SLC30A8: variants seen among roughly 807,000 people sequenced by gnomAD.
SLC30A8 encodes proton-coupled zinc antiporter SLC30A8.
SLC30A8 carries 27 observed loss-of-function variants against 36.9 expected under a neutral mutation model. The observed-to-expected ratio is 0.73, with a 90% CI of 0.54 to 1.01. The LOEUF (loss-of-function observed/expected upper bound fraction) is 1.01. Among genes scored for constraint, SLC30A8 ranks in the 50% least tolerant of loss-of-function variants. The pLI is 0.00. For synonymous variants in SLC30A8, 164 were observed against 172.4 expected, an observed-to-expected ratio of 0.95 and a Z score of 0.38; for missense variants, 439 against 452.0, an observed-to-expected ratio of 0.97 and a Z score of 0.26.
At chr8:117,020,792 C>T (rs1816672077) in intron 1 of SLC30A8, among the ~76,000 whole-genome samples, 1 of 152,092 alleles carries the variant, frequency 6.6e-6, no homozygotes, top group Admixed American at 6.5e-5. Flanking sequence ...TTATCTCATT[C>T]TTGAATATCA....
intron 2 of SLC30A8, among the ~76,000 whole-genome samples, chr8:117,062,509 C>G (rs1818050143): frequency 6.6e-6 from 1 of 152,174 alleles, no homozygotes; most frequent in Admixed American, 6.5e-5. Context: ...ATCACCAAGG[C>G]AAGGGCGCTA....
chr8:116,984,636 A>G (rs1815381459), intron 1 of SLC30A8, among the ~76,000 whole-genome samples: 2 of 151,860 alleles, frequency 1.3e-5, no homozygotes, highest in Non-Finnish European at 2.9e-5. Flanking sequence ...TCACTTTCTA[A>G]TTGGGTTGTT....
At chr8:117,156,506 G>T (rs546772265) in intron 3 of SLC30A8, among the ~76,000 whole-genome samples, 1 of 152,270 alleles carries the variant, frequency 6.6e-6, no homozygotes, top group South Asian at 2.1e-4. Context: ...CCAGTCACTG[G>T]CAGGCCATAT....
At chr8:117,157,913 C>G in intron 4 of SLC30A8, 69 bp downstream of exon 4, 1 of 1,554,364 alleles carries the variant, frequency 6.4e-7, no homozygotes, top group Non-Finnish European at 8.7e-7. Flanking sequence ...CAAAGTCGAC[C>G]TTTTAAAAAA....
At chr8:117,020,833 A>G (rs1173878963) in intron 1 of SLC30A8, among the ~76,000 whole-genome samples, 1 of 152,214 alleles carries the variant, frequency 6.6e-6, no homozygotes, top group African/African-American at 2.4e-5. Flanking sequence ...CTCTTTATAA[A>G]TATCTGTAGA....
intron 1 of SLC30A8, among the ~76,000 whole-genome samples, chr8:116,990,320 A>G (rs1815590378): frequency 6.6e-6 from 1 of 152,138 alleles, no homozygotes; most frequent in Non-Finnish European, 1.5e-5. Flanking sequence ...TAGAAAGGAA[A>G]AAAAAAATAG....
chr8:117,092,137 A>G (rs905401271), intron 2 of SLC30A8, among the ~76,000 whole-genome samples: 3 of 152,240 alleles, frequency 2.0e-5, no homozygotes, highest in South Asian at 4.1e-4. Flanking sequence ...AAGGAGTGAC[A>G]TAAAAACTGT....
chr8:116,954,674 T>G (rs760345652), intron 1 of SLC30A8, among the ~76,000 whole-genome samples: 1 of 152,212 alleles, frequency 6.6e-6, no homozygotes, highest in African/African-American at 2.4e-5. Flanking sequence ...ATGAAAACAG[T>G]GAATGTATAA....
At chr8:117,124,088 A>C (rs892776454) in intron 2 of SLC30A8, among the ~76,000 whole-genome samples, 2 of 151,916 alleles carry the variant, frequency 1.3e-5, no homozygotes, top group Non-Finnish European at 2.9e-5. Context: ...AGTTAGGACC[A>C]ACTGCTTCCC....
At chr8:117,161,703 C>T in intron 4 of SLC30A8, 35 bp from the exon 5 acceptor site, 1 of 1,582,510 alleles carries the variant, frequency 6.3e-7, no homozygotes, top group Non-Finnish European at 8.6e-7. Flanking sequence ...TAAGACTGAC[C>T]TCATGTGTGC....
chr8:117,048,897 A>C (rs993630713), intron 2 of SLC30A8, among the ~76,000 whole-genome samples: 3 of 152,250 alleles, frequency 2.0e-5, no homozygotes, highest in African/African-American at 7.2e-5. Context: ...CAGGGTAAGC[A>C]TGAGCACAGC....
At chr8:117,097,872 A>C (rs1374924285) in intron 2 of SLC30A8, among the ~76,000 whole-genome samples, 2 of 100,868 alleles carry the variant, frequency 2.0e-5, no homozygotes, top group Admixed American at 2.8e-4. Flanking sequence ...TATATATAAT[A>C]TATAATTTTA....
At chr8:116,983,462 G>A (rs1175815641) in intron 1 of SLC30A8, among the ~76,000 whole-genome samples, 2 of 152,064 alleles carry the variant, frequency 1.3e-5, no homozygotes, top group Admixed American at 6.6e-5. Flanking sequence ...GAGTGCAAGG[G>A]TCAATATACT....
chr8:116,952,254 A>G (rs191339924), intron 1 of SLC30A8, among the ~76,000 whole-genome samples: 135 of 152,324 alleles, frequency 8.9e-4, no homozygotes, highest in Non-Finnish European at 1.6e-3. Flanking sequence ...CAGGCCTCAC[A>G]AGCCATGCTT....
rs928095947 is a variant in SLC30A8 at position 117,029,637 on chromosome 8, A to G, written c.-265-9582A>G. Among the ~76,000 whole-genome samples, 4 of 152,214 alleles carry G rather than the reference A, an allele frequency of 2.6e-5. No homozygotes were observed. In the East Asian group the frequency reaches 5.8e-4, roughly 22 times the overall value. On this transcript the variant is annotated intron_variant, in intron 1 of 10. Transcript: ENST00000427715. ...TTTCCCTGGCTCACTGTCATGGCTA[A>G]TAAAGCTATGTCTGTCTCTCACACA...
intron 1 of SLC30A8, among the ~76,000 whole-genome samples, chr8:116,958,417 CTTTT>C (rs1478215957): frequency 6.6e-6 from 1 of 150,876 alleles, no homozygotes; most frequent in African/African-American, 2.4e-5. Flanking sequence ...GTTTTTACTT[CTTTT>C]TGTTTTTGAA....
chr8:117,001,309 CAT>C (rs1393397023), intron 1 of SLC30A8, among the ~76,000 whole-genome samples: 2 of 141,242 alleles, frequency 1.4e-5, no homozygotes, highest in African/African-American at 5.2e-5. Flanking sequence ...ATACAAGGGG[CAT>C]CTTTTATGAA....
At chr8:117,121,116 T>A (rs940277728) in intron 2 of SLC30A8, among the ~76,000 whole-genome samples, 1 of 151,828 alleles carries the variant, frequency 6.6e-6, no homozygotes, top group Non-Finnish European at 1.5e-5. Flanking sequence ...AATAGAACAA[T>A]GGGATCCAGC....
At chr8:117,043,254 T>C (rs944764065) in intron 2 of SLC30A8, among the ~76,000 whole-genome samples, 2 of 152,218 alleles carry the variant, frequency 1.3e-5, no homozygotes, top group African/African-American at 4.8e-5. Context: ...AAGTTGTGAT[T>C]TGAATTACAG....
Sources: allele counts gnomAD v4.1 joint callset (sites outside exome capture counted in the v4.1 genomes callset), GRCh38; gene constraint gnomAD v4.1.1; transcripts MANE v1.5; gene names NCBI Gene and HGNC (gene_info 2026-07-23, HGNC 2026-07-21).